C6orf118: variants seen among roughly 807,000 people sequenced by gnomAD.
C6orf118 encodes the protein chromosome 6 open reading frame 118, also known as uncharacterized protein C6orf118.
C6orf118 carries 50 observed loss-of-function variants against 50.2 expected under a neutral mutation model. The ratio of observed to expected loss-of-function variants is 1.00; its 90% CI spans 0.79 to 1.26. C6orf118 has a LOEUF of 1.26. Ranked by LOEUF, C6orf118 falls within the 50% of genes most tolerant of loss-of-function variation. C6orf118 has a pLI of 0.00. For missense variants in C6orf118, 641 were observed against 578.7 expected (o/e 1.11, Z -1.10); for synonymous variants, 239 against 230.9 (o/e 1.03, Z -0.32).
Position 165,301,721 on chromosome 6 carries a change from A to C in C6orf118, c.601T>G (p.Tyr201Asp). ...GCTCCGGCCAGGTAGGAGCTGACAT[A>C]GTGGTGCCGGTCCCTGGTGCCTCTG... ...GSRGTRDRHH[Y>D]VSSYLAGATS... Residue 201 changes from tyrosine (Y) to aspartate (D), a missense_variant, in exon 2 of 9, where the codon TAT (tyrosine) becomes GAT (aspartate). Coordinates refer to ENST00000230301, the MANE Select transcript of C6orf118 (RefSeq NM_144980.4). 1 of 1,614,126 alleles carries C rather than the reference A, an allele frequency of 6.2e-7. No individual in the cohort carries two copies. Among genetic ancestry groups the C allele is most frequent in the Non-Finnish European group, 8.5e-7 (1 of 1,180,012 alleles).
chr6:165,294,498 T>C (rs903385900), intron 5 of C6orf118, among the ~76,000 whole-genome samples: 1 of 152,200 alleles, frequency 6.6e-6, no homozygotes, highest in Non-Finnish European at 1.5e-5. Flanking sequence ...GCCAAATGTC[T>C]ACAAAGGGCC....
intron 5 of C6orf118, among the ~76,000 whole-genome samples, chr6:165,295,763 T>C (rs968943824): frequency 6.6e-6 from 1 of 152,198 alleles, no homozygotes; most frequent in Non-Finnish European, 1.5e-5. Context: ...TTTTCCTTTT[T>C]ATAGGTTTCT....
rs371413104 is a variant in C6orf118, at chr6:165,295,267, C to T, written c.1062-1796G>A. Among the ~76,000 whole-genome samples, 65 of 152,108 alleles carry T rather than the reference C, an allele frequency of 4.3e-4. No homozygotes were observed. The East Asian group carries it at 5.2e-3, about 12-fold the overall frequency. ...TTGACTTTTTCAACTATTTTTTCCT[C>T]GGTTTTTATCTTGTTTTATTTCTTC... On this transcript the variant is annotated intron_variant, in intron 5 of 8. Transcript: ENST00000230301.
intron 3 of C6orf118, 140 bp from the exon 4 acceptor site, chr6:165,299,642 T>C (rs1562333096): frequency 6.4e-6 from 4 of 629,162 alleles, no homozygotes; most frequent in Non-Finnish European, 1.1e-5. Flanking sequence ...CCACAATGCA[T>C]TAAACGGTAT....
chr6:165,297,071 A>G (rs1780335345), intron 5 of C6orf118, among the ~76,000 whole-genome samples: 1 of 152,220 alleles, frequency 6.6e-6, no homozygotes, highest in Non-Finnish European at 1.5e-5. Context: ...CCAGCCCCCA[A>G]AGCTCCATCA....
chr6:165,300,573 C>G (rs1780490025), intron 2 of C6orf118, 87 bp from the exon 3 acceptor site: 3 of 1,328,210 alleles, frequency 2.3e-6, no homozygotes, highest in Non-Finnish European at 3.1e-6. Context: ...GAGGACACAG[C>G]TGCCATCACC....
intron 1 of C6orf118, among the ~76,000 whole-genome samples, chr6:165,306,963 AAAAC>A (rs763827836): frequency 8.9e-4 from 135 of 152,214 alleles, no homozygotes; most frequent in Non-Finnish European, 1.5e-3. Flanking sequence ...CCTGAGAGAG[AAAAC>A]AAACAAACAA....
intron 1 of C6orf118, among the ~76,000 whole-genome samples, chr6:165,308,983 G>T (rs1780843804): frequency 6.6e-6 from 1 of 152,204 alleles, no homozygotes; most frequent in African/African-American, 2.4e-5. Context: ...CCAGCACATG[G>T]CGGGTGGTGG....
rs746024817 is a variant in C6orf118 at position 165,280,009 on chromosome 6, C to CA, written c.*47dup. 1 of 1,571,978 alleles carries CA rather than the reference C, an allele frequency of 6.4e-7. No homozygotes were observed. Among genetic ancestry groups the CA allele is most frequent in the South Asian group, 1.2e-5 (1 of 85,170 alleles). ...CATCTGCAAATATCCATGCTACATACATGGAAGTTAAGAATTTCCACTGGC... is the reference window on the plus strand; with the variant it reads ...CATCTGCAAATATCCATGCTACATACAATGGAAGTTAAGAATTTCCACTGGC... On this transcript the variant is annotated 3_prime_UTR_variant, in exon 9 of 9. Coordinates refer to ENST00000230301, the MANE Select transcript of C6orf118 (RefSeq NM_144980.4).
Position 165,298,035 on chromosome 6 carries a change from T to A in C6orf118, c.1003A>T (p.Arg335Trp). ...PVKTADMDLA[R>W]EELRMLVTAT... ...GTCACGAGCATCCTCAGCTCTTCCC[T>A]GGCGAGATCCATGTCCGCCGTCTTC... Residue 335 changes from arginine to tryptophan, a missense_variant, in exon 5 of 9, where the codon AGG (arginine) becomes TGG (tryptophan). Coordinates refer to ENST00000230301, the MANE Select transcript of C6orf118 (RefSeq NM_144980.4). The A allele has an allele frequency of 6.2e-7, 1 of 1,613,900 alleles. No homozygotes were observed. The highest frequency in any genetic ancestry group is 1.3e-5 in the African/African-American group (1 of 75,046).
chr6:165,297,257 C>A (rs978461467), intron 5 of C6orf118, among the ~76,000 whole-genome samples: 2 of 151,946 alleles, frequency 1.3e-5, no homozygotes, highest in African/African-American at 4.8e-5. Flanking sequence ...CCTGTCTCTA[C>A]TAAAAATACA....
intron 8 of C6orf118, among the ~76,000 whole-genome samples, chr6:165,281,174 T>C (rs1244377327): frequency 1.3e-5 from 2 of 152,210 alleles, no homozygotes; most frequent in African/African-American, 4.8e-5. Flanking sequence ...CTAAAAGCCA[T>C]ATAATTGGAG....
chr6:165,293,687 T>C lies in C6orf118; in HGVS notation c.1062-216A>G, dbSNP rs182852245. Among the ~76,000 whole-genome samples, 516 of 152,288 alleles carry C rather than the reference T, an allele frequency of 3.4e-3. 8 individuals are homozygous for C. Among genetic ancestry groups the C allele is most frequent in the Admixed American group, 5.3e-3 (81 of 15,306 alleles). ...TGTCTTACCAAGATTGCATAAGCCTTTAAAGAGTTAGTTAATTTAAAATAA... is the reference window on the plus strand; with the variant it reads ...TGTCTTACCAAGATTGCATAAGCCTCTAAAGAGTTAGTTAATTTAAAATAA... On this transcript the variant is annotated intron_variant, in intron 5 of 8. Transcript: ENST00000230301.
At chr6:165,298,960 T>A (rs1583019968) in intron 4 of C6orf118, among the ~76,000 whole-genome samples, 1 of 152,246 alleles carries the variant, frequency 6.6e-6, no homozygotes, top group East Asian at 1.9e-4. Flanking sequence ...TCTTAGGTTT[T>A]ATAAGTGATA....
Position 165,301,852 on chromosome 6 carries a change from TC to T in C6orf118, c.469del (p.Glu157LysfsTer26), listed in dbSNP as rs757800353. ...LPVEAVREGK[E>X]EKKGGPPGRG... ...TCCAGGAGGGCCTCCTTTCTTTTCT[TC>T]CTTCCCCTCTCTGACAGCCTCCACT... On this transcript the variant is annotated frameshift_variant, in exon 2 of 9. Transcript: ENST00000230301. LOFTEE classifies it high-confidence loss of function. 1.2e-6 allele frequency: 2 copies of T among 1,613,820 alleles called. No individual in the cohort carries two copies. Among genetic ancestry groups the T allele is most frequent in the East Asian group, 4.5e-5 (2 of 44,846 alleles).
intron 5 of C6orf118, 62 bp downstream of exon 5, chr6:165,297,915 C>A (rs1004896340): frequency 6.2e-7 from 1 of 1,606,070 alleles, no homozygotes; most frequent in Non-Finnish European, 8.5e-7. Flanking sequence ...CTTGTCACAG[C>A]GGTTTCAGAC....
intron 1 of C6orf118, 38 bp from the exon 2 acceptor site, chr6:165,302,334 C>T: frequency 1.3e-6 from 2 of 1,587,626 alleles, no homozygotes; most frequent in Non-Finnish European, 1.7e-6. Flanking sequence ...AGGGATCGCT[C>T]TTAGTTCCAC....
chr6:165,298,225 T>A, intron 4 of C6orf118, 124 bp from the exon 5 acceptor site: 1 of 1,245,670 alleles, frequency 8.0e-7, no homozygotes, highest in Non-Finnish European at 1.0e-6. Flanking sequence ...CTAGTTAAAA[T>A]AGGTAAATTG....
chr6:165,281,628 CA>C lies in C6orf118; in HGVS notation c.1356+11del. Reference sequence around the variant, plus strand: ...TTTTATTGATAAACATTGATTCACACAAAAAACTTACTTTTATTTTCTTCTT... The same window carrying C: ...TTTTATTGATAAACATTGATTCACACAAAAACTTACTTTTATTTTCTTCTT... On this transcript the variant is annotated intron_variant, in intron 8 of 8. Transcript: ENST00000230301. 1 of 1,494,014 alleles carries C rather than the reference CA, an allele frequency of 6.7e-7. No individual in the cohort carries two copies. The highest frequency in any genetic ancestry group is 1.3e-5 in the South Asian group (1 of 76,796). 92.5% of individuals were successfully genotyped at this position (1,494,014 alleles called of 1,614,324 possible).
Sources: allele counts gnomAD v4.1 joint callset (sites outside exome capture counted in the v4.1 genomes callset), GRCh38; gene constraint gnomAD v4.1.1; transcripts MANE v1.5; gene names NCBI Gene and HGNC (gene_info 2026-07-23, HGNC 2026-07-21).